Variants in SSBP3 observed in about 807,000 individuals in gnomAD.
SSBP3 encodes the protein single stranded DNA binding protein 3.
In SSBP3, 5 loss-of-function variants were observed where a neutral mutation model predicts 69.6. The observed-to-expected ratio is 0.07, with a 90% CI of 0.04 to 0.15. The LOEUF is 0.15. Among genes scored for constraint, SSBP3 ranks in the 10% least tolerant of loss-of-function variants. The pLI is 1.00. For synonymous variants in SSBP3, 196 were observed against 193.4 expected (o/e 1.01, Z -0.11); for missense variants, 312 against 534.0 (o/e 0.58, Z 4.10).
At chr1:54,397,244 T>C (rs1478342199) in intron 4 of SSBP3, among the ~76,000 whole-genome samples, 1 of 152,190 alleles carries the variant, frequency 6.6e-6, no homozygotes, top group East Asian at 1.9e-4. Flanking sequence ...CTTCTCCACC[T>C]ATTCCAGCCT....
intron 9 of SSBP3, among the ~76,000 whole-genome samples, chr1:54,250,492 T>C (rs751205402): frequency 1.3e-5 from 2 of 149,816 alleles, no homozygotes; most frequent in Non-Finnish European, 3.0e-5. Flanking sequence ...GCTGTGGTTC[T>C]GTGGGGCAGA....
At chr1:54,367,035 G>A (rs914418030) in intron 4 of SSBP3, among the ~76,000 whole-genome samples, 1 of 152,188 alleles carries the variant, frequency 6.6e-6, no homozygotes, top group African/African-American at 2.4e-5. Flanking sequence ...GGGTTCTCAT[G>A]GGGATCACCT....
chr1:54,321,142 G>A (rs1646205023), intron 4 of SSBP3, among the ~76,000 whole-genome samples: 1 of 152,204 alleles, frequency 6.6e-6, no homozygotes, highest in Non-Finnish European at 1.5e-5. Context: ...TGTGACAAAG[G>A]CACTGACCCT....
At chr1:54,257,053 C>A (rs1644934569) in intron 7 of SSBP3, 74 bp downstream of exon 7, 1 of 1,463,870 alleles carries the variant, frequency 6.8e-7, no homozygotes, top group Non-Finnish European at 9.3e-7. Flanking sequence ...CCTCAACTTT[C>A]ATTTTGTGTC....
upstream of SSBP3, among the ~76,000 whole-genome samples, chr1:54,409,119 C>T (rs1649924482): frequency 6.6e-6 from 1 of 152,174 alleles, no homozygotes; most frequent in African/African-American, 2.4e-5. Flanking sequence ...TTCAAGGCCC[C>T]AGTCTACCTT....
intron 4 of SSBP3, chr1:54,356,961 G>C (rs1646878419): frequency 6.6e-6 from 1 of 152,414 alleles, no homozygotes; most frequent in Non-Finnish European, 1.5e-5. Context: ...AGAAAGGCCT[G>C]ACACAGTCTC....
chr1:54,289,132 C>T (rs765947563), intron 4 of SSBP3, among the ~76,000 whole-genome samples: 6 of 151,604 alleles, frequency 4.0e-5, no homozygotes, highest in Non-Finnish European at 7.4e-5. Context: ...AAGAAATAGC[C>T]GGCACTTCAT....
upstream of SSBP3, among the ~76,000 whole-genome samples, chr1:54,410,963 A>G (rs1019785208): frequency 6.6e-6 from 1 of 152,216 alleles, no homozygotes; most frequent in African/African-American, 2.4e-5. Context: ...CATGGCCAGC[A>G]AACAGAGAGG....
At chr1:54,308,308 T>C (rs1297818819) in intron 4 of SSBP3, among the ~76,000 whole-genome samples, 2 of 151,722 alleles carry the variant, frequency 1.3e-5, no homozygotes, top group East Asian at 3.9e-4. Flanking sequence ...AATACAAAAA[T>C]TAGCCGGGCG....
chr1:54,349,581 T>C (rs549240221), intron 4 of SSBP3, among the ~76,000 whole-genome samples: 28 of 152,270 alleles, frequency 1.8e-4, no homozygotes, highest in African/African-American at 5.8e-4. Flanking sequence ...TCCCTCAGGC[T>C]TCAGCCTTGA....
At chr1:54,252,953 G>T (rs1258518157) in intron 7 of SSBP3, among the ~76,000 whole-genome samples, 1 of 152,296 alleles carries the variant, frequency 6.6e-6, no homozygotes, top group Admixed American at 6.5e-5. Flanking sequence ...GTGCTGCTGT[G>T]GGGGAGGCTG....
At chr1:54,319,078 T>A (rs1180832790) in intron 4 of SSBP3, among the ~76,000 whole-genome samples, 1 of 152,036 alleles carries the variant, frequency 6.6e-6, no homozygotes, top group African/African-American at 2.4e-5. Context: ...CTCAATGGAG[T>A]AGAAGGGCAA....
intron 4 of SSBP3, among the ~76,000 whole-genome samples, chr1:54,354,759 G>A (rs892289050): frequency 6.6e-6 from 1 of 152,138 alleles, no homozygotes; most frequent in Non-Finnish European, 1.5e-5. Flanking sequence ...AACCCAGGAA[G>A]CCAACCAATC....
rs1297856152 is a variant in SSBP3, at chr1:54,267,733, A to G, written c.367-9584T>C. Among the ~76,000 whole-genome samples the G allele has an allele frequency of 2.0e-5, 3 of 152,110 alleles. No homozygotes were observed. In the East Asian group the frequency reaches 5.8e-4, roughly 29 times the overall value. On this transcript the variant is annotated intron_variant, in intron 5 of 17. Coordinates refer to ENST00000610401, the Ensembl canonical transcript of SSBP3. ...GCTTGACCAAGGAAATGGCAATACG[A>G]TCTGTATCGTGGGAATCACATATCT...
At chr1:54,302,949 C>G (rs575167190) in intron 4 of SSBP3, among the ~76,000 whole-genome samples, 5 of 152,306 alleles carry the variant, frequency 3.3e-5, no homozygotes, top group African/African-American at 1.2e-4. Flanking sequence ...ACAAAAGACA[C>G]AAAAGATGGT....
At chr1:54,327,836 CCTGT>C (rs1646337253) in intron 4 of SSBP3, among the ~76,000 whole-genome samples, 1 of 152,188 alleles carries the variant, frequency 6.6e-6, no homozygotes, top group African/African-American at 2.4e-5. Flanking sequence ...ACCCCTGGGT[CCTGT>C]CCCCTCCCCC....
intron 7 of SSBP3, among the ~76,000 whole-genome samples, chr1:54,254,764 CTT>C (rs1644889420): frequency 6.6e-6 from 1 of 152,190 alleles, no homozygotes; most frequent in South Asian, 2.1e-4. Context: ...GCACATCCCT[CTT>C]TGGAGGATAG....
chr1:54,394,687 T>G (rs1648732001), intron 4 of SSBP3, among the ~76,000 whole-genome samples: 2 of 148,742 alleles, frequency 1.3e-5, no homozygotes, highest in African/African-American at 5.0e-5. Context: ...ACTGTCTCCT[T>G]AAGACTCCTT....
intron 4 of SSBP3, among the ~76,000 whole-genome samples, chr1:54,307,900 C>T (rs1003555148): frequency 1.3e-5 from 2 of 152,152 alleles, no homozygotes; most frequent in Admixed American, 6.5e-5. Context: ...GAGCAATCAG[C>T]AGCCCTCGGG....
Sources: allele counts gnomAD v4.1 joint callset (sites outside exome capture counted in the v4.1 genomes callset), GRCh38; gene constraint gnomAD v4.1.1; transcripts MANE v1.5; gene names NCBI Gene and HGNC (gene_info 2026-07-23, HGNC 2026-07-21).